PABPC4L: variants seen among roughly 807,000 people sequenced by gnomAD.
The protein encoded by PABPC4L is polyadenylate-binding protein 4-like.
For missense variants in PABPC4L, 452 were observed against 451.4 expected (o/e 1.00, Z -0.01); for synonymous variants, 169 against 164.1 (o/e 1.03, Z -0.23).
the PABPC4L span, among the ~76,000 whole-genome samples, chr4:134,060,964 T>C: frequency 6.6e-6 from 1 of 152,032 alleles, no homozygotes. Flanking sequence ...AGATGGTTAA[T>C]GGGTACAAAA....
chr4:134,038,538 G>A, the PABPC4L span, among the ~76,000 whole-genome samples: 1 of 152,028 alleles, frequency 6.6e-6, no homozygotes, highest in Non-Finnish European at 1.5e-5. Context: ...TTTCTTTCTG[G>A]TTTAGTCTTG....
the PABPC4L span, among the ~76,000 whole-genome samples, chr4:134,173,003 C>A: frequency 4.5e-3 from 686 of 151,536 alleles, 9 homozygotes; most frequent in African/African-American, 0.016. Flanking sequence ...ATAAAAACTA[C>A]AAGGAGATGT....
At chr4:134,115,377 A>G in the PABPC4L span, among the ~76,000 whole-genome samples, 1 of 151,878 alleles carries the variant, frequency 6.6e-6, no homozygotes, top group East Asian at 1.9e-4. Flanking sequence ...GTACAAGTAG[A>G]GAGAGGGGGA....
chr4:134,047,965 GC>G, the PABPC4L span, among the ~76,000 whole-genome samples: 1 of 152,070 alleles, frequency 6.6e-6, no homozygotes, highest in Non-Finnish European at 1.5e-5. Flanking sequence ...TTTTCTGACG[GC>G]AAAGATGGCT....
At chr4:134,033,678 C>A in the PABPC4L span, among the ~76,000 whole-genome samples, 2 of 151,880 alleles carry the variant, frequency 1.3e-5, no homozygotes, top group African/African-American at 4.8e-5. Context: ...ACAACACTCA[C>A]TTAAGCCAAA....
chr4:134,156,018 T>C, the PABPC4L span, among the ~76,000 whole-genome samples: 1 of 151,998 alleles, frequency 6.6e-6, no homozygotes, highest in African/African-American at 2.4e-5. Flanking sequence ...ATAGTACATT[T>C]CTACAAGGTT....
chr4:134,054,552 T>C, the PABPC4L span, among the ~76,000 whole-genome samples: 1 of 151,798 alleles, frequency 6.6e-6, no homozygotes, highest in Non-Finnish European at 1.5e-5. Flanking sequence ...CCTCATTAGT[T>C]CCTGACAAGC....
At chr4:134,189,564 A>G in the PABPC4L span, among the ~76,000 whole-genome samples, 2 of 151,910 alleles carry the variant, frequency 1.3e-5, no homozygotes, top group African/African-American at 2.4e-5. Context: ...ATTCACATAT[A>G]TAATGTGTGT....
chr4:134,067,875 T>C, the PABPC4L span, among the ~76,000 whole-genome samples: 1 of 152,170 alleles, frequency 6.6e-6, no homozygotes, highest in Non-Finnish European at 1.5e-5. Context: ...TTTTATTGCA[T>C]TGTGGTCTGA....
the PABPC4L span, among the ~76,000 whole-genome samples, chr4:133,972,655 A>G: frequency 6.6e-6 from 1 of 152,236 alleles, no homozygotes; most frequent in African/African-American, 2.4e-5. Flanking sequence ...TAGGACTGCC[A>G]TGGCAAATCA....
chr4:134,201,075 T>TG lies in PABPC4L; in HGVS notation c.-57dup. ...CCTGGAGTTCTTTGAGCAATCCCTG[T>TG]GGGGGGATACTAGGTCACAGCTTTG... On this transcript the variant is annotated 5_prime_UTR_variant, in exon 2 of 2. Transcript: ENST00000421491. 2 of 1,551,240 alleles carry TG rather than the reference T, an allele frequency of 1.3e-6. No individual in the cohort carries two copies. The highest frequency in any genetic ancestry group is 1.4e-5 in the African/African-American group (1 of 73,084).
At chr4:134,047,334 T>A in the PABPC4L span, among the ~76,000 whole-genome samples, 1 of 151,990 alleles carries the variant, frequency 6.6e-6, no homozygotes. Context: ...CCAAGCCTAC[T>A]CATCTCCAGC....
the PABPC4L span, among the ~76,000 whole-genome samples, chr4:134,118,847 G>A: frequency 6.6e-6 from 1 of 151,856 alleles, no homozygotes; most frequent in East Asian, 1.9e-4. Context: ...CTTGTGTGTT[G>A]TAATATGATT....
chr4:134,199,853 C>G lies in PABPC4L; in HGVS notation c.*54G>C. ...CTGAGGTCAATTCAGGCAGAGATCA[C>G]TATCATTCTCCCACCTGCTGCAGAT... is the stretch of plus-strand genomic sequence containing the variant. On this transcript the variant is annotated 3_prime_UTR_variant, in exon 2 of 2. Coordinates refer to ENST00000421491, the MANE Select transcript of PABPC4L (RefSeq NM_001114734.2). 6.5e-7 allele frequency: 1 copy of G among 1,534,240 alleles called. No individual in the cohort carries two copies. The highest frequency in any genetic ancestry group is 8.8e-7 in the Non-Finnish European group (1 of 1,140,898).
chr4:134,088,259 A>G, the PABPC4L span, among the ~76,000 whole-genome samples: 1 of 152,040 alleles, frequency 6.6e-6, no homozygotes, highest in Non-Finnish European at 1.5e-5. Flanking sequence ...AACTAAATTT[A>G]TAGAAATTTA....
chr4:134,105,456 G>A, the PABPC4L span, among the ~76,000 whole-genome samples: 1 of 151,584 alleles, frequency 6.6e-6, no homozygotes, highest in African/African-American at 2.4e-5. Flanking sequence ...TATATATGTG[G>A]TTGATTTACT....
chr4:134,018,010 C>T, the PABPC4L span, among the ~76,000 whole-genome samples: 1 of 152,052 alleles, frequency 6.6e-6, no homozygotes, highest in Non-Finnish European at 1.5e-5. Context: ...CCATCATATC[C>T]CCTGTGACCT....
At chr4:133,957,038 T>C in the PABPC4L span, among the ~76,000 whole-genome samples, 1 of 152,110 alleles carries the variant, frequency 6.6e-6, no homozygotes, top group African/African-American at 2.4e-5. Context: ...GCAGCTCCCA[T>C]ATATCATGTT....
At chr4:134,165,036 C>T in the PABPC4L span, among the ~76,000 whole-genome samples, 1 of 152,124 alleles carries the variant, frequency 6.6e-6, no homozygotes, top group Non-Finnish European at 1.5e-5. Flanking sequence ...GGGGAAAGGA[C>T]TCCCTGTTCA....
Sources: gnomAD v4.1 joint callset for allele counts (sites outside exome capture counted in the v4.1 genomes callset) on GRCh38, gnomAD v4.1.1 for gene constraint, MANE v1.5 for transcripts, NCBI Gene and HGNC (gene_info 2026-07-23, HGNC 2026-07-21) for gene names.